The following AGBL3 variants were observed in gnomAD, a reference collection of about 807,000 sequenced individuals.
The protein encoded by AGBL3 is cytosolic carboxypeptidase 3.
AGBL3 carries 68 observed loss-of-function variants against 94.5 expected under a neutral mutation model. That is an observed-to-expected ratio of 0.72 (90% CI 0.59 to 0.88). AGBL3 has a LOEUF of 0.88. Among genes scored for constraint, AGBL3 ranks in the 40% least tolerant of loss-of-function variants. The pLI, the probability that AGBL3 is intolerant of heterozygous loss-of-function variation, is 0.00. For missense variants in AGBL3, 934 were observed against 1,103.8 expected (o/e 0.85, Z 2.18); for synonymous variants, 354 against 370.7 (o/e 0.95, Z 0.52).
At chr7:135,121,343 T>A (rs975614874) in intron 16 of AGBL3, among the ~76,000 whole-genome samples, 1 of 152,166 alleles carries the variant, frequency 6.6e-6, no homozygotes, top group Non-Finnish European at 1.5e-5. Flanking sequence ...TCAACAAGAA[T>A]ATAAATATCT....
chr7:135,098,341 T>C (rs1823236447), intron 15 of AGBL3, among the ~76,000 whole-genome samples: 4 of 152,220 alleles, frequency 2.6e-5, no homozygotes. Flanking sequence ...CAGTATGCTT[T>C]AAGTCATCTC....
intron 15 of AGBL3, among the ~76,000 whole-genome samples, chr7:135,096,894 T>C (rs1482246530): frequency 1.3e-5 from 2 of 152,042 alleles, no homozygotes; most frequent in African/African-American, 4.8e-5. Flanking sequence ...TGACAAAATA[T>C]GCAGAAAAGA....
At position 135,034,500 on chromosome 7, in the gene AGBL3, C is replaced by G. The variant is rs1347190724; in HGVS notation, c.909C>G (p.Tyr303Ter). The G allele has an allele frequency of 6.4e-7, 1 of 1,551,794 alleles. No individual in the cohort carries two copies. Among genetic ancestry groups the G allele is most frequent in the African/African-American group, 1.4e-5 (1 of 73,034 alleles). ...TTGCTCATTGCTATCCATACACTTA[C>G]ACCAACCTGCAAGAATACCTTTCTG... ...CYFAHCYPYT[Y>*]TNLQEYLSGI... is the part of the protein sequence containing the mutation. Residue 303 changes from tyrosine to a stop codon, truncating the protein, a stop_gained, in exon 7 of 17, where the codon TAC becomes TAG. Transcript: ENST00000436302. LOFTEE classifies it high-confidence loss of function.
intron 6 of AGBL3, 48 bp downstream of exon 6, chr7:135,033,030 T>G: frequency 6.8e-7 from 1 of 1,468,782 alleles, no homozygotes. Flanking sequence ...TCAACTATTA[T>G]TTTCTGTATC....
intron 16 of AGBL3, among the ~76,000 whole-genome samples, chr7:135,127,444 T>C (rs958107950): frequency 1.3e-5 from 2 of 151,924 alleles, no homozygotes; most frequent in Admixed American, 1.3e-4. Flanking sequence ...TCCCAGCTAC[T>C]CGGGAGGCTG....
chr7:135,051,471 G>A (rs1817869378), intron 11 of AGBL3, among the ~76,000 whole-genome samples: 1 of 151,960 alleles, frequency 6.6e-6, no homozygotes, highest in South Asian at 2.1e-4. Context: ...GATTTCCCAG[G>A]CTCATCTTGT....
intron 4 of AGBL3, among the ~76,000 whole-genome samples, chr7:135,007,217 C>T (rs1812503329): frequency 6.6e-6 from 1 of 151,778 alleles, no homozygotes; most frequent in South Asian, 2.1e-4. Flanking sequence ...ACTCTGATAA[C>T]AAAACCACAA....
rs1189343119 is a variant in AGBL3 at position 135,115,608 on chromosome 7, A to G, written c.2339A>G (p.His780Arg). 6 of 1,540,086 alleles carry G rather than the reference A, an allele frequency of 3.9e-6. No individual in the cohort carries two copies. Among genetic ancestry groups the G allele is most frequent in the East Asian group, 2.4e-5 (1 of 40,818 alleles). The stretch of plus-strand genomic sequence containing the variant: ...CCAAGAACCAACTTCCAAATCCAAC[A>G]TCAGTAAGTCAATACAATTTTATCA... ...FNPRTNFQIQ[H>R]QLNPATCRNI... The change falls in exon 16 of 17, where the codon CAT becomes CGT. Residue 780 changes from histidine to arginine, a missense_variant. By Grantham distance (29) the His-to-Arg change is conservative (BLOSUM62 0). Transcript: ENST00000436302.
At chr7:135,084,284 A>G (rs1279194526) in intron 15 of AGBL3, among the ~76,000 whole-genome samples, 4 of 152,184 alleles carry the variant, frequency 2.6e-5, no homozygotes, top group African/African-American at 9.7e-5. Flanking sequence ...TATACAATGT[A>G]TAATGATCAA....
intron 16 of AGBL3, among the ~76,000 whole-genome samples, chr7:135,134,529 C>A (rs1005523816): frequency 2.0e-5 from 3 of 151,942 alleles, no homozygotes; most frequent in African/African-American, 7.3e-5. Context: ...TTTTTAGTGA[C>A]CATCTACTTT....
At chr7:135,079,706 G>A (rs1015192308) in intron 13 of AGBL3, among the ~76,000 whole-genome samples, 6 of 150,744 alleles carry the variant, frequency 4.0e-5, no homozygotes, top group Non-Finnish European at 5.9e-5. Context: ...GACCTCAAGT[G>A]ATCTGCCCGC....
chr7:135,060,870 A>C (rs1818775981), intron 12 of AGBL3, among the ~76,000 whole-genome samples: 1 of 152,104 alleles, frequency 6.6e-6, no homozygotes, highest in South Asian at 2.1e-4. Flanking sequence ...GGAGTGCAAT[A>C]TCTCTTTGAC....
chr7:135,101,402 T>C (rs1823809221), intron 15 of AGBL3: 2 of 359,288 alleles, frequency 5.6e-6, no homozygotes, highest in South Asian at 2.2e-5. Flanking sequence ...ATGAGATTGA[T>C]AGCTATTTTA....
At chr7:135,066,581 G>A (rs894104580) in intron 12 of AGBL3, among the ~76,000 whole-genome samples, 1 of 152,174 alleles carries the variant, frequency 6.6e-6, no homozygotes, top group Non-Finnish European at 1.5e-5. Flanking sequence ...ATTTAAAAGT[G>A]AATTACCATA....
chr7:135,121,274 A>T (rs1281831392), intron 16 of AGBL3, among the ~76,000 whole-genome samples: 3 of 152,226 alleles, frequency 2.0e-5, no homozygotes, highest in Non-Finnish European at 4.4e-5. Context: ...CAGAAAGGAG[A>T]AATAGACAAA....
intron 16 of AGBL3, chr7:135,115,812 AATTG>A: frequency 2.0e-6 from 1 of 507,340 alleles, no homozygotes; most frequent in Non-Finnish European, 3.5e-6. Flanking sequence ...GGCCTTATTT[AATTG>A]ATTATTTGCA....
chr7:135,096,477 C>T (rs2116965823), intron 15 of AGBL3, among the ~76,000 whole-genome samples: 1 of 148,308 alleles, frequency 6.7e-6, no homozygotes, highest in African/African-American at 2.5e-5. Flanking sequence ...AGAACATATA[C>T]AACTAGGAAG....
intron 6 of AGBL3, among the ~76,000 whole-genome samples, chr7:135,033,499 G>A (rs1366769245): frequency 2.0e-5 from 3 of 152,166 alleles, no homozygotes; most frequent in Non-Finnish European, 4.4e-5. Flanking sequence ...TAAGTGCAGA[G>A]TGCTTATAGA....
At chr7:135,020,693 C>A (rs1814333492) in intron 5 of AGBL3, among the ~76,000 whole-genome samples, 1 of 152,048 alleles carries the variant, frequency 6.6e-6, no homozygotes, top group Non-Finnish European at 1.5e-5. Flanking sequence ...GATTAAGAAA[C>A]TGTGGCACAT....
Sources: gnomAD v4.1 joint callset for allele counts (sites outside exome capture counted in the v4.1 genomes callset) on GRCh38, gnomAD v4.1.1 for gene constraint, MANE v1.5 for transcripts, NCBI Gene and HGNC (gene_info 2026-07-23, HGNC 2026-07-21) for gene names.